The following QTMAN variants were observed in gnomAD, a reference collection of about 807,000 sequenced individuals.
QTMAN encodes tRNA-queuosine alpha-mannosyltransferase.
the QTMAN span, among the ~76,000 whole-genome samples, chr2:144,125,081 T>C: frequency 6.6e-6 from 1 of 152,092 alleles, no homozygotes; most frequent in Non-Finnish European, 1.5e-5. Context: ...GCCATGCCCA[T>C]GGCAGACATT....
chr2:144,202,613 G>A, the QTMAN span, among the ~76,000 whole-genome samples: 1 of 151,984 alleles, frequency 6.6e-6, no homozygotes, highest in African/African-American at 2.4e-5. Context: ...CATCCATTTG[G>A]GGATGAGTTT....
the QTMAN span, among the ~76,000 whole-genome samples, chr2:144,314,996 G>C: frequency 6.6e-6 from 1 of 151,962 alleles, no homozygotes; most frequent in East Asian, 1.9e-4. Context: ...AGCGATCCTT[G>C]TGCCTCAGCT....
At chr2:144,026,687 T>G in the QTMAN span, among the ~76,000 whole-genome samples, 8 of 152,168 alleles carry the variant, frequency 5.3e-5, no homozygotes, top group Non-Finnish European at 1.2e-4. Flanking sequence ...GGCTTCAGTT[T>G]CCTCTTCTAC....
At chr2:144,286,969 T>C in the QTMAN span, among the ~76,000 whole-genome samples, 2 of 152,186 alleles carry the variant, frequency 1.3e-5, no homozygotes, top group Non-Finnish European at 2.9e-5. Flanking sequence ...AATGTAACAA[T>C]TTTCCCCTCT....
the QTMAN span, among the ~76,000 whole-genome samples, chr2:144,140,906 C>T: frequency 6.6e-6 from 1 of 151,850 alleles, no homozygotes; most frequent in South Asian, 2.1e-4. Flanking sequence ...GATTTTTCTT[C>T]GATGAAATAT....
the QTMAN span, among the ~76,000 whole-genome samples, chr2:144,036,995 T>G: frequency 6.6e-6 from 1 of 152,218 alleles, no homozygotes; most frequent in East Asian, 1.9e-4. Context: ...TGAAAAATTA[T>G]GCTAAGGCAA....
At chr2:144,288,591 T>C in the QTMAN span, among the ~76,000 whole-genome samples, 3 of 152,192 alleles carry the variant, frequency 2.0e-5, no homozygotes, top group Admixed American at 1.3e-4. Flanking sequence ...GAGTGGCAAG[T>C]GAGAGCTGGT....
the QTMAN span, chr2:144,145,812 C>CT: frequency 8.0e-7 from 1 of 1,244,464 alleles, no homozygotes; most frequent in Non-Finnish European, 1.1e-6. Flanking sequence ...CTTCTCTCCT[C>CT]TTTCCTCTTC....
the QTMAN span, among the ~76,000 whole-genome samples, chr2:144,154,050 T>C: frequency 6.6e-6 from 1 of 152,218 alleles, no homozygotes; most frequent in South Asian, 2.1e-4. Flanking sequence ...TTTTGAATCA[T>C]CTTAAGATTA....
the QTMAN span, among the ~76,000 whole-genome samples, chr2:144,101,392 TCTCACACA>T: frequency 8.1e-6 from 1 of 123,672 alleles, no homozygotes; most frequent in Non-Finnish European, 1.7e-5. Flanking sequence ...TCTATCTCTC[TCTCACACA>T]CACACACACA....
chr2:144,320,130 A>G, the QTMAN span, among the ~76,000 whole-genome samples: 2 of 152,246 alleles, frequency 1.3e-5, no homozygotes, highest in Non-Finnish European at 2.9e-5. Context: ...ATATGAAGCT[A>G]AATTTCCACT....
At chr2:144,301,430 C>G in the QTMAN span, among the ~76,000 whole-genome samples, 1 of 152,188 alleles carries the variant, frequency 6.6e-6, no homozygotes, top group Admixed American at 6.5e-5. Context: ...GCCTAGTTGG[C>G]CTGGCTGGTC....
the QTMAN span, among the ~76,000 whole-genome samples, chr2:144,193,340 C>A: frequency 1.3e-5 from 2 of 150,522 alleles, no homozygotes; most frequent in African/African-American, 2.4e-5. Flanking sequence ...TTTCTAATTA[C>A]AAAAACATAA....
the QTMAN span, among the ~76,000 whole-genome samples, chr2:143,990,138 T>TAA: frequency 4.8e-5 from 7 of 144,664 alleles, no homozygotes; most frequent in African/African-American, 1.5e-4. Flanking sequence ...GGTAATTCCT[T>TAA]AAAAAAAAAA....
chr2:144,031,582 G>A, the QTMAN span, among the ~76,000 whole-genome samples: 1 of 151,998 alleles, frequency 6.6e-6, no homozygotes, highest in Non-Finnish European at 1.5e-5. Flanking sequence ...ATAAAACAAA[G>A]CAGCAAGTGG....
chr2:143,995,815 T>C, the QTMAN span, among the ~76,000 whole-genome samples: 9 of 152,320 alleles, frequency 5.9e-5, no homozygotes, highest in Non-Finnish European at 1.0e-4. Flanking sequence ...ACTGCTCATC[T>C]AAATAACAGA....
chr2:144,039,314 G>C, the QTMAN span, among the ~76,000 whole-genome samples: 1 of 151,978 alleles, frequency 6.6e-6, no homozygotes, highest in Non-Finnish European at 1.5e-5. Flanking sequence ...TATTAAAGAG[G>C]GCATTCCATG....
the QTMAN span, among the ~76,000 whole-genome samples, chr2:143,974,491 T>C: frequency 1.3e-5 from 2 of 152,140 alleles, no homozygotes; most frequent in Non-Finnish European, 2.9e-5. Flanking sequence ...TGCAATACCA[T>C]GCAGCCATTA....
the QTMAN span, among the ~76,000 whole-genome samples, chr2:144,305,785 A>T: frequency 6.6e-6 from 1 of 152,110 alleles, no homozygotes; most frequent in East Asian, 1.9e-4. Context: ...TCAGAGTACC[A>T]TTTTTTTACC....
Sources: allele counts gnomAD v4.1 joint callset (sites outside exome capture counted in the v4.1 genomes callset), GRCh38; gene constraint gnomAD v4.1.1; transcripts MANE v1.5; gene names NCBI Gene and HGNC (gene_info 2026-07-23, HGNC 2026-07-21).